RABGEF1: variants seen among roughly 807,000 people sequenced by gnomAD.
The protein encoded by RABGEF1 is RAB guanine nucleotide exchange factor 1.
In RABGEF1, 26 loss-of-function variants were observed where a neutral mutation model predicts 57.3. The ratio of observed to expected loss-of-function variants is 0.45; its 90% CI spans 0.33 to 0.63. The LOEUF is 0.63. RABGEF1 is among the 20% of genes least tolerant of loss of function. The probability of loss-of-function intolerance (pLI) is 0.02; values close to 1 mark genes in which losing one functional copy is unlikely to be tolerated. For missense variants in RABGEF1, 464 were observed against 607.6 expected, an observed-to-expected ratio of 0.76 and a Z score of 2.48; for synonymous variants, 185 against 210.7, an observed-to-expected ratio of 0.88 and a Z score of 1.06.
the RABGEF1 span, among the ~76,000 whole-genome samples, chr7:66,664,856 G>A: frequency 0.5 from 75,784 of 152,138 alleles, 19,814 homozygotes; most frequent in African/African-American, 0.65. Flanking sequence ...TGCCTCCCAC[G>A]CCTGTCTACT....
intron 1 of RABGEF1, among the ~76,000 whole-genome samples, chr7:66,700,702 T>A (rs1443471956): frequency 6.6e-6 from 1 of 152,190 alleles, no homozygotes; most frequent in Non-Finnish European, 1.5e-5. Context: ...CCACCCACCC[T>A]AAGCCGTGCC....
intron 4 of RABGEF1, among the ~76,000 whole-genome samples, chr7:66,787,972 T>G (rs1811603166): frequency 6.6e-6 from 1 of 152,222 alleles, no homozygotes; most frequent in African/African-American, 2.4e-5. Context: ...ATAAAACTTC[T>G]GGAAAAACTC....
Position 66,742,897 on chromosome 7 carries a change from G to A in RABGEF1, c.-18+2105G>A, listed in dbSNP as rs183248759. 3.9e-5 allele frequency among the ~76,000 whole-genome samples: 6 copies of A among 152,146 alleles called. No homozygotes were observed. In the South Asian group the frequency reaches 8.3e-4, roughly 21 times the overall value. On this transcript the variant is annotated intron_variant, in intron 1 of 8. Transcript: ENST00000284957. ...GCTGAAATTACAGGCATCAGCTACC[G>A]AGCCTGGAGGGTCGTTACTAAAGTG...
chr7:66,691,014 C>T (rs573555124), intron 1 of RABGEF1, among the ~76,000 whole-genome samples: 3 of 152,130 alleles, frequency 2.0e-5, no homozygotes, highest in Admixed American at 2.0e-4. Context: ...TCGCCGGAAC[C>T]GGGGAGGCAG....
chr7:66,679,377 C>T (rs1172818630), upstream of RABGEF1, among the ~76,000 whole-genome samples: 1 of 152,116 alleles, frequency 6.6e-6, no homozygotes, highest in Non-Finnish European at 1.5e-5. Context: ...GGCATGATCA[C>T]GGCTCACTGC....
chr7:66,755,452 G>A (rs923402674), intron 1 of RABGEF1, among the ~76,000 whole-genome samples: 8 of 151,992 alleles, frequency 5.3e-5, no homozygotes, highest in African/African-American at 1.7e-4. Flanking sequence ...CTCTAGCCTG[G>A]GTTATAGAGC....
intron 1 of RABGEF1, among the ~76,000 whole-genome samples, chr7:66,701,865 TATTA>T (rs554828124): frequency 4.0e-4 from 61 of 152,306 alleles, no homozygotes; most frequent in South Asian, 3.7e-3. Flanking sequence ...GTGGTTTGTT[TATTA>T]ATTTTTTTAT....
At chr7:66,738,731 CAAA>C (rs546724986), upstream of RABGEF1, among the ~76,000 whole-genome samples, 6 of 94,990 alleles carry the variant, frequency 6.3e-5, no homozygotes, top group Non-Finnish European at 6.0e-5. Context: ...GACTCTAACT[CAAA>C]AAAAAAAAAA....
intron 1 of RABGEF1, among the ~76,000 whole-genome samples, chr7:66,754,076 T>C (rs1278434685): frequency 2.0e-5 from 3 of 149,548 alleles, no homozygotes; most frequent in Non-Finnish European, 3.0e-5. Context: ...AATCTTGGCT[T>C]ACTGCAACGG....
chr7:66,788,636 T>G (rs1451148639), intron 4 of RABGEF1, among the ~76,000 whole-genome samples: 1 of 152,178 alleles, frequency 6.6e-6, no homozygotes, highest in Non-Finnish European at 1.5e-5. Flanking sequence ...AAGCACAACA[T>G]AACACCTTTT....
intron 5 of RABGEF1, 68 bp from the exon 6 acceptor site, chr7:66,797,306 C>CA (rs368106136): frequency 0.13 from 118,994 of 930,174 alleles, 548 homozygotes; most frequent in South Asian, 0.15. Context: ...TCTTTGTTTG[C>CA]AAAAAAAAAA....
At chr7:66,720,646 G>A (rs1206027596) in intron 2 of RABGEF1, among the ~76,000 whole-genome samples, 1 of 152,144 alleles carries the variant, frequency 6.6e-6, no homozygotes, top group African/African-American at 2.4e-5. Context: ...AACAAGGCAA[G>A]CATGTCCACT....
At chr7:66,676,884 C>G in the RABGEF1 span, among the ~76,000 whole-genome samples, 2 of 152,190 alleles carry the variant, frequency 1.3e-5, no homozygotes, top group Non-Finnish European at 2.9e-5. Flanking sequence ...ACACCTGGTC[C>G]GTGAATAGTG....
At chr7:66,674,975 C>T in the RABGEF1 span, among the ~76,000 whole-genome samples, 1 of 151,130 alleles carries the variant, frequency 6.6e-6, no homozygotes, top group Non-Finnish European at 1.5e-5. Context: ...ATATAAAGGG[C>T]TAGATGTCAT....
intron 1 of RABGEF1, among the ~76,000 whole-genome samples, chr7:66,688,773 A>G (rs1420753382): frequency 6.6e-6 from 1 of 152,202 alleles, no homozygotes; most frequent in African/African-American, 2.4e-5. Context: ...GCTCAGAGGG[A>G]AATGTATAGC....
At chr7:66,693,469 C>T (rs1432896619) in intron 1 of RABGEF1, among the ~76,000 whole-genome samples, 4 of 152,308 alleles carry the variant, frequency 2.6e-5, no homozygotes, top group Admixed American at 6.5e-5. Context: ...CCCTGGGCTC[C>T]AAGACCCTGC....
At chr7:66,703,152 G>A (rs1480578242) in intron 1 of RABGEF1, among the ~76,000 whole-genome samples, 2 of 151,854 alleles carry the variant, frequency 1.3e-5, no homozygotes, top group South Asian at 2.1e-4. Context: ...TTTTTTTGTA[G>A]TTTTTAGTAG....
At position 66,775,354 on chromosome 7, in the gene RABGEF1, A is replaced by C. The variant is rs1808269596; in HGVS notation, c.307A>C (p.Lys103Gln). ...EKTRKVTTVKKFFSASSRVGS... is the reference protein window; with the variant it reads ...EKTRKVTTVKQFFSASSRVGS... ...GACCCGCAAGGTTACCACAGTGAAG[A>C]AATTCTTCAGTGCATCTTCCAGGGT... is the stretch of plus-strand genomic sequence containing the variant. Residue 103 changes from lysine (K) to glutamine (Q), a missense_variant, in exon 3 of 9, where the codon AAA becomes CAA. Lys to Gln is a moderately conservative substitution (Grantham distance 53, BLOSUM62 1). Around this residue, in one of 4 missense-constraint regions of RABGEF1, gnomAD observed 284 missense variants for 389.9 expected, o/e 0.73. Transcript: ENST00000284957. 3.7e-6 allele frequency: 6 copies of C among 1,613,836 alleles called. No homozygotes were observed. The highest frequency in any genetic ancestry group is 2.7e-5 in the African/African-American group (2 of 74,936).
At chr7:66,680,268 CAG>C (rs1789605191), upstream of RABGEF1, among the ~76,000 whole-genome samples, 1 of 151,384 alleles carries the variant, frequency 6.6e-6, no homozygotes, top group Non-Finnish European at 1.5e-5. Context: ...TTTTTTGAGA[CAG>C]AGTTTCGCTC....
Sources: gnomAD v4.1 joint callset for allele counts (sites outside exome capture counted in the v4.1 genomes callset) on GRCh38, gnomAD v4.1.1 for gene constraint, gnomAD v4.1.1 regional missense constraint, MANE v1.5 for transcripts, NCBI Gene and HGNC (gene_info 2026-07-23, HGNC 2026-07-21) for gene names.